RALGPS1: variants seen among roughly 807,000 people sequenced by gnomAD.
RALGPS1 encodes the protein Ral GEF with PH domain and SH3 binding motif 1.
Under a neutral mutation model 78.8 loss-of-function variants are expected in RALGPS1, and 19 were observed. The observed-to-expected ratio is 0.24, with a 90% CI of 0.17 to 0.35. RALGPS1 has a LOEUF of 0.35. Among genes scored for constraint, RALGPS1 ranks in the 10% least tolerant of loss-of-function variants. The pLI is 1.00. For missense variants in RALGPS1, 454 were observed against 688.3 expected (o/e 0.66, Z 3.81); for synonymous variants, 228 against 256.3 (o/e 0.89, Z 1.06).
chr9:127,041,656 G>T (rs144035861), intron 5 of RALGPS1, among the ~76,000 whole-genome samples: 39 of 152,322 alleles, frequency 2.6e-4, no homozygotes, highest in Admixed American at 2.2e-3. Context: ...CACAGGAGTG[G>T]CATGTAAGTA....
intron 14 of RALGPS1, among the ~76,000 whole-genome samples, chr9:127,207,899 C>G (rs922370624): frequency 2.0e-5 from 3 of 152,240 alleles, no homozygotes; most frequent in Non-Finnish European, 2.9e-5. Context: ...CCTGGAGCAG[C>G]CACCCCGGCA....
intron 8 of RALGPS1, among the ~76,000 whole-genome samples, chr9:127,077,310 G>A (rs1255140154): frequency 6.6e-6 from 1 of 152,202 alleles, no homozygotes; most frequent in Non-Finnish European, 1.5e-5. Flanking sequence ...CTCTTTAAAA[G>A]CAGTTCATTT....
chr9:126,968,002 C>CTT (rs745689127), intron 3 of RALGPS1, among the ~76,000 whole-genome samples: 39 of 130,622 alleles, frequency 3.0e-4, no homozygotes, highest in Admixed American at 5.5e-4. Flanking sequence ...GAGTTCAATT[C>CTT]TTTTTTTTTT....
chr9:127,138,464 C>T (rs1015110369), intron 8 of RALGPS1, among the ~76,000 whole-genome samples: 7 of 152,188 alleles, frequency 4.6e-5, no homozygotes, highest in African/African-American at 1.7e-4. Flanking sequence ...GGCAAATGGG[C>T]TTCACTAACC....
chr9:126,959,545 C>T (rs2038680811), intron 1 of RALGPS1, among the ~76,000 whole-genome samples: 1 of 151,988 alleles, frequency 6.6e-6, no homozygotes, highest in African/African-American at 2.4e-5. Context: ...GGACTTTGGC[C>T]TCTCCAGCTC....
chr9:127,000,124 A>G (rs1225437827), intron 4 of RALGPS1, among the ~76,000 whole-genome samples: 1 of 151,960 alleles, frequency 6.6e-6, no homozygotes, highest in Non-Finnish European at 1.5e-5. Flanking sequence ...GTCCAGCTAA[A>G]ATTTACTAAT....
At chr9:127,048,297 A>C (rs564579183) in intron 5 of RALGPS1, among the ~76,000 whole-genome samples, 2 of 152,120 alleles carry the variant, frequency 1.3e-5, no homozygotes, top group Admixed American at 1.3e-4. Context: ...GCCACACTTC[A>C]GTCTTCTCTT....
intron 8 of RALGPS1, among the ~76,000 whole-genome samples, chr9:127,115,810 T>C (rs2055350860): frequency 1.3e-5 from 2 of 152,194 alleles, no homozygotes; most frequent in African/African-American, 4.8e-5. Context: ...GACCCCAAAA[T>C]GGGCATCTGG....
At chr9:127,180,305 G>GC (rs1231630001) in intron 11 of RALGPS1, among the ~76,000 whole-genome samples, 1 of 152,182 alleles carries the variant, frequency 6.6e-6, no homozygotes, top group Non-Finnish European at 1.5e-5. Context: ...GGGCAGCACC[G>GC]CGAGTCCAGG....
chr9:127,177,865 C>A (rs1165205444), intron 11 of RALGPS1: 1 of 1,548,640 alleles, frequency 6.5e-7, no homozygotes, highest in South Asian at 1.2e-5. Flanking sequence ...CACAATCCAC[C>A]CACACCTCTA....
chr9:126,979,466 C>T (rs1442512264), intron 4 of RALGPS1, among the ~76,000 whole-genome samples: 1 of 152,196 alleles, frequency 6.6e-6, no homozygotes, highest in African/African-American at 2.4e-5. Context: ...CCTTAGTTCT[C>T]AGCTGAAGCT....
Position 126,965,960 on chromosome 9 carries a change from A to T in RALGPS1, c.165+9A>T, listed in dbSNP as rs2132266145. 1 of 1,610,308 alleles carries T rather than the reference A, an allele frequency of 6.2e-7. No individual in the cohort carries two copies. The highest frequency in any genetic ancestry group is 1.3e-5 in the African/African-American group (1 of 74,984). ...CCCCAGAGGAGTTTGCTGTAAGTGA[A>T]ACAGGGCTGGTGTGGGTGGCTGGGC... On this transcript the variant is annotated intron_variant, in intron 3 of 18. Coordinates refer to ENST00000259351, the MANE Select transcript of RALGPS1 (RefSeq NM_014636.3).
chr9:127,105,246 C>T (rs1197172389), intron 8 of RALGPS1, among the ~76,000 whole-genome samples: 2 of 152,164 alleles, frequency 1.3e-5, no homozygotes, highest in Non-Finnish European at 2.9e-5. Flanking sequence ...TAATGCATTC[C>T]AGTTATCTCT....
intron 4 of RALGPS1, among the ~76,000 whole-genome samples, chr9:126,984,292 G>A (rs1391432175): frequency 6.6e-6 from 1 of 152,094 alleles, no homozygotes; most frequent in Non-Finnish European, 1.5e-5. Context: ...TATTTGAAGA[G>A]ACGTATCACT....
At chr9:127,190,222 CTGT>C (rs1303627218) in intron 11 of RALGPS1, among the ~76,000 whole-genome samples, 1 of 152,172 alleles carries the variant, frequency 6.6e-6, no homozygotes, top group Non-Finnish European at 1.5e-5. Context: ...AACATATATA[CTGT>C]TGTTTTGTGT....
At chr9:127,133,130 C>T (rs948585289) in intron 8 of RALGPS1, among the ~76,000 whole-genome samples, 3 of 152,252 alleles carry the variant, frequency 2.0e-5, no homozygotes, top group African/African-American at 7.2e-5. Context: ...TTAACTCTTT[C>T]CCCACCACCT....
chr9:127,045,740 C>CACACACACACACACACACACAT (rs200705848), intron 5 of RALGPS1, among the ~76,000 whole-genome samples: 3 of 98,006 alleles, frequency 3.1e-5, no homozygotes, highest in Admixed American at 2.2e-4. Flanking sequence ...TACACACACA[C>CACACACACACACACACACACAT]ACACACACAC....
intron 1 of RALGPS1, among the ~76,000 whole-genome samples, chr9:126,945,296 T>C (rs1008947837): frequency 5.9e-5 from 9 of 152,260 alleles, no homozygotes; most frequent in Admixed American, 3.9e-4. Flanking sequence ...CCTCCCTGGT[T>C]CAACCCATTC....
chr9:126,953,959 C>T (rs1026064440), intron 1 of RALGPS1, among the ~76,000 whole-genome samples: 23 of 152,156 alleles, frequency 1.5e-4, no homozygotes, highest in Non-Finnish European at 2.6e-4. Context: ...CACTCATGCC[C>T]CAACATGCTG....
Sources: allele counts gnomAD v4.1 joint callset (sites outside exome capture counted in the v4.1 genomes callset), GRCh38; gene constraint gnomAD v4.1.1; transcripts MANE v1.5; gene names NCBI Gene and HGNC (gene_info 2026-07-23, HGNC 2026-07-21).